The following FNTA variants were observed in gnomAD, a reference collection of about 807,000 sequenced individuals.
FNTA encodes farnesyltransferase, CAAX box, subunit alpha, also known as protein farnesyltransferase/geranylgeranyltransferase type-1 subunit alpha.
Under a neutral mutation model 55.2 loss-of-function variants are expected in FNTA, and 27 were observed. That is an observed-to-expected ratio of 0.49 (90% CI 0.36 to 0.67). The LOEUF (loss-of-function observed/expected upper bound fraction) is 0.67. Among genes scored for constraint, FNTA ranks in the 30% least tolerant of loss-of-function variants. FNTA has a pLI of 0.00. For missense variants in FNTA, 422 were observed against 464.7 expected (o/e 0.91, Z 0.85); for synonymous variants, 176 against 170.7 (o/e 1.03, Z -0.24).
intron 3 of FNTA, among the ~76,000 whole-genome samples, chr8:43,067,543 A>G (rs956328443): frequency 1.3e-5 from 2 of 152,162 alleles, no homozygotes; most frequent in African/African-American, 4.8e-5. Context: ...AGTACACTTA[A>G]AAGATTTCCT....
intron 8 of FNTA, 119 bp from the exon 9 acceptor site, chr8:43,085,041 G>T: frequency 3.6e-6 from 4 of 1,126,232 alleles, no homozygotes; most frequent in Non-Finnish European, 5.1e-6. Context: ...AACACAGCCG[G>T]TGACTCTTAA....
intron 4 of FNTA, chr8:43,070,271 G>T (rs1810757648): frequency 6.6e-6 from 1 of 151,446 alleles, no homozygotes; most frequent in Admixed American, 6.6e-5. Context: ...TTGCACCACT[G>T]CACTCCAGCC....
At chr8:43,075,880 T>TTTTTC (rs1491502074) in intron 5 of FNTA, among the ~76,000 whole-genome samples, 1 of 126,424 alleles carries the variant, frequency 7.9e-6, no homozygotes, top group African/African-American at 3.7e-5. Context: ...TTTCTTTTTC[T>TTTTTC]TTTTTTTTTT....
At chr8:43,058,634 G>A (rs941713454) in intron 1 of FNTA, among the ~76,000 whole-genome samples, 8 of 152,044 alleles carry the variant, frequency 5.3e-5, no homozygotes, top group Non-Finnish European at 1.2e-4. Flanking sequence ...GCTGGGCTTG[G>A]TGGCGCCCGC....
chr8:43,084,190 A>C (rs79783100), intron 7 of FNTA, among the ~76,000 whole-genome samples: 1 of 149,084 alleles, frequency 6.7e-6, no homozygotes, highest in Admixed American at 6.7e-5. Flanking sequence ...ATTTTTAAAA[A>C]CTTTTTCTAC....
At chr8:43,059,277 A>T (rs538060616) in intron 2 of FNTA, 100 bp downstream of exon 2, 2 of 779,996 alleles carry the variant, frequency 2.6e-6, no homozygotes, top group South Asian at 3.7e-5. Context: ...TTTCTGTCTA[A>T]TAAAAATCTG....
chr8:43,065,876 T>G (rs1810646108), intron 3 of FNTA, among the ~76,000 whole-genome samples: 1 of 151,526 alleles, frequency 6.6e-6, no homozygotes, highest in Non-Finnish European at 1.5e-5. Context: ...AAATCATTAG[T>G]CTCCCTTCAA....
intron 4 of FNTA, among the ~76,000 whole-genome samples, chr8:43,071,100 C>G (rs1471005530): frequency 6.6e-6 from 1 of 151,992 alleles, no homozygotes; most frequent in African/African-American, 2.4e-5. Context: ...GCATTAAATC[C>G]TTCCCTTTTT....
intron 5 of FNTA, chr8:43,076,528 T>C (rs1352006341): frequency 1.3e-5 from 2 of 152,222 alleles, no homozygotes; most frequent in South Asian, 2.1e-4. Context: ...ATGTGCACTT[T>C]TGAATGCTAC....
chr8:43,072,148 A>T, intron 4 of FNTA, 33 bp from the exon 5 acceptor site: 1 of 1,427,782 alleles, frequency 7.0e-7, no homozygotes, highest in South Asian at 1.6e-5. Context: ...GGGTAAATTA[A>T]CAAAAAACTT....
chr8:43,062,663 G>GT (rs1222618435), intron 2 of FNTA, among the ~76,000 whole-genome samples: 1 of 152,114 alleles, frequency 6.6e-6, no homozygotes, highest in Non-Finnish European at 1.5e-5. Flanking sequence ...GTTCATATTC[G>GT]TGTCTGATAC....
At chr8:43,078,602 T>G (rs1810961082) in intron 6 of FNTA, 1 of 152,234 alleles carries the variant, frequency 6.6e-6, no homozygotes, top group African/African-American at 2.4e-5. Context: ...AGAATATCAC[T>G]GTTGCATGTG....
Position 43,058,984 on chromosome 8 carries a change from A to G in FNTA, c.201-108A>G, listed in dbSNP as rs902346194. 6.3e-5 allele frequency: 49 copies of G among 781,898 alleles called. No homozygotes were observed. In the East Asian group the frequency reaches 1.3e-3, roughly 21 times the overall value. 48.4% of individuals were successfully genotyped at this position (781,898 alleles called of 1,614,324 possible). ...ACCATGATTACATTATGAGCCCTGT[A>G]AGTTATTAATATCAATGTAACTGTA... On this transcript the variant is annotated intron_variant, in intron 1 of 8. Coordinates refer to ENST00000302279, the MANE Select transcript of FNTA (RefSeq NM_002027.3).
chr8:43,065,912 A>T (rs1045967203), intron 3 of FNTA, among the ~76,000 whole-genome samples: 2 of 151,500 alleles, frequency 1.3e-5, no homozygotes, highest in Admixed American at 1.3e-4. Context: ...TGTAGATTGG[A>T]AATTATTTTC....
chr8:43,062,643 A>C (rs1810561233), intron 2 of FNTA, among the ~76,000 whole-genome samples: 1 of 152,214 alleles, frequency 6.6e-6, no homozygotes, highest in Admixed American at 6.5e-5. Context: ...TTTTGTGAAG[A>C]GGAGTAATTG....
intron 1 of FNTA, 68 bp downstream of exon 1, chr8:43,056,614 C>A: frequency 9.4e-7 from 1 of 1,060,968 alleles, no homozygotes; most frequent in Non-Finnish European, 1.2e-6. Context: ...AGACCCGCGG[C>A]GCGCGCTTCC....
At position 43,059,157 on chromosome 8, in the gene FNTA, A is replaced by G; in HGVS notation, c.266A>G (p.Gln89Arg). The change falls in exon 2 of 9, where the codon CAG (glutamine) becomes CGG (arginine). Residue 89 changes from glutamine (Q) to arginine (R), a missense_variant. Gln to Arg is a conservative substitution (Grantham distance 43). Transcript: ENST00000302279. ...PQNDGPNPVV[Q>R]IIYSDKFRDV... ...AATGATGGCCCCAATCCCGTGGTCC[A>G]GATCATTTATAGTGACAAATGTAAG... The G allele has an allele frequency of 6.2e-7, 1 of 1,612,798 alleles. No individual in the cohort carries two copies. Among genetic ancestry groups the G allele is most frequent in the Admixed American group, 1.7e-5 (1 of 59,844 alleles).
chr8:43,069,688 AGGCTGGAG>A (rs764718374), intron 4 of FNTA, 29 bp downstream of exon 4: 16 of 1,415,678 alleles, frequency 1.1e-5, no homozygotes, highest in Non-Finnish European at 1.6e-5. Context: ...TGTGTCTCCC[AGGCTGGAG>A]TGCAGTGGCA....
Position 43,077,318 on chromosome 8 carries a change from A to T in FNTA, c.736A>T (p.Asn246Tyr). 1 of 1,613,286 alleles carries T rather than the reference A, an allele frequency of 6.2e-7. No individual in the cohort carries two copies. The highest frequency in any genetic ancestry group is 1.7e-4 in the Middle Eastern group (1 of 6,060). The change falls in exon 6 of 9, where the codon AAC (asparagine) becomes TAC (tyrosine). Residue 246 changes from asparagine to tyrosine, a missense_variant. Coordinates refer to ENST00000302279, the MANE Select transcript of FNTA (RefSeq NM_002027.3). The part of the protein sequence containing the change: ...VWNQRYFVIS[N>Y]TTGYNDRAVL... ...GAACCAAAGATACTTCGTTATTTCT[A>T]ACACCACTGGCTACAATGATCGTGC...
Sources: allele counts gnomAD v4.1 joint callset (sites outside exome capture counted in the v4.1 genomes callset), GRCh38; gene constraint gnomAD v4.1.1; transcripts MANE v1.5; gene names NCBI Gene and HGNC (gene_info 2026-07-23, HGNC 2026-07-21).